The following SLK variants were observed in gnomAD, a reference collection of about 807,000 sequenced individuals.
SLK encodes the protein STE20 like kinase.
A neutral mutation model predicts 147.7 loss-of-function variants in SLK; 67 were observed. That is an observed-to-expected ratio of 0.45 (90% confidence interval 0.37 to 0.56). The LOEUF (loss-of-function observed/expected upper bound fraction) is 0.56, where lower values mean the gene tolerates loss of function less well. SLK is among the 20% of genes least tolerant of loss of function. The pLI, the probability that SLK is intolerant of heterozygous loss-of-function variation, is 0.00. For synonymous variants in SLK, 441 were observed against 475.0 expected, an observed-to-expected ratio of 0.93 and a Z score of 0.93; for missense variants, 1,136 against 1,438.8, an observed-to-expected ratio of 0.79 and a Z score of 3.41.
intron 1 of SLK, among the ~76,000 whole-genome samples, chr10:103,982,330 A>T (rs1193196001): frequency 6.6e-6 from 1 of 152,186 alleles, no homozygotes; most frequent in Non-Finnish European, 1.5e-5. Flanking sequence ...TAAGCAGGAA[A>T]ACTGTGTGAT....
At chr10:103,992,842 A>T (rs1350982265) in intron 3 of SLK, 142 bp from the exon 4 acceptor site, 1 of 684,344 alleles carries the variant, frequency 1.5e-6, no homozygotes, top group Non-Finnish European at 2.4e-6. Context: ...CAAGAATGTG[A>T]TCTTTGTAGA....
At chr10:104,025,026 A>G (rs1032288051) in intron 18 of SLK, among the ~76,000 whole-genome samples, 4 of 152,212 alleles carry the variant, frequency 2.6e-5, no homozygotes, top group African/African-American at 9.7e-5. Flanking sequence ...AGACATTCAC[A>G]TCACAATGGT....
intron 9 of SLK, 55 bp downstream of exon 9, chr10:104,003,582 A>C (rs1341525045): frequency 7.2e-7 from 1 of 1,398,396 alleles, no homozygotes; most frequent in East Asian, 2.3e-5. Flanking sequence ...CTCAATTCAG[A>C]GTTTATGTGA....
intron 18 of SLK, among the ~76,000 whole-genome samples, chr10:104,022,830 A>T (rs1229886781): frequency 6.6e-6 from 1 of 152,006 alleles, no homozygotes; most frequent in Non-Finnish European, 1.5e-5. Context: ...CTGGTCTCAA[A>T]CTCCAAACCT....
At chr10:103,994,426 A>G (rs1266926038) in intron 4 of SLK, among the ~76,000 whole-genome samples, 1 of 151,950 alleles carries the variant, frequency 6.6e-6, no homozygotes, top group African/African-American at 2.4e-5. Context: ...TCATCTCTAG[A>G]TGTTAGGGTT....
At position 104,019,871 on chromosome 10, in the gene SLK, G is replaced by C; in HGVS notation, c.3270G>C (p.Leu1090Phe). Reference protein sequence around the residue: ...KTRMAMFKKSLRINSTATPDQ... With the variant: ...KTRMAMFKKSFRINSTATPDQ... ...GAATGGCCATGTTTAAGAAGAGTTT[G>C]AGAATTAACTCAACAGCCACACCAG... is the stretch of plus-strand genomic sequence containing the variant. The change falls in exon 16 of 19, where the codon TTG (leucine) becomes TTC (phenylalanine). Residue 1090 changes from leucine to phenylalanine, a missense_variant. Leu to Phe is a conservative substitution (Grantham distance 22). Around this residue, in one of 6 missense-constraint regions of SLK, gnomAD observed 327 missense variants for 457.5 expected, o/e 0.71. Transcript: ENST00000369755. The C allele has an allele frequency of 1.2e-6, 2 of 1,614,150 alleles. No homozygotes were observed. Among genetic ancestry groups the C allele is most frequent in the Non-Finnish European group, 1.7e-6 (2 of 1,179,994 alleles).
rs1208769258 is a variant in SLK, at chr10:103,992,606, T to G, written c.324T>G (p.Ile108Met). The G allele has an allele frequency of 2.4e-6, 3 of 1,259,548 alleles. No individual in the cohort carries two copies. The African/African-American group carries it at 5.8e-5, about 24-fold the overall frequency. 78.0% of individuals were successfully genotyped at this position (1,259,548 alleles called of 1,614,324 possible). The change falls in exon 3 of 19, where the codon ATT becomes ATG. Residue 108 changes from isoleucine (I) to methionine (M), a missense_variant. Ile to Met is a conservative substitution (Grantham distance 10, BLOSUM62 1). Coordinates refer to ENST00000369755, the MANE Select transcript of SLK (RefSeq NM_014720.4). Reference protein sequence around the residue: ...FYYENNLWILIEFCAGGAVDA... With the variant: ...FYYENNLWILMEFCAGGAVDA... ...TTTTTTTTTGCATGCAGATCCTCAT[T>G]GAATTTTGTGCAGGTGGAGCAGTAG...
chr10:103,982,032 T>A (rs1354099898), intron 1 of SLK, among the ~76,000 whole-genome samples: 2 of 152,142 alleles, frequency 1.3e-5, no homozygotes, highest in Admixed American at 6.5e-5. Flanking sequence ...GTACAAGTCT[T>A]TCATCTCCTT....
chr10:103,997,793 T>A lies in SLK; in HGVS notation c.515-1106T>A, dbSNP rs78132587. ...GCTCTTTTATGTTTTTCATCATTTT[T>A]AAAAGTGTCCTAGCTTATTTTGAAA... is the stretch of plus-strand genomic sequence containing the variant. On this transcript the variant is annotated intron_variant, in intron 4 of 18. Coordinates refer to ENST00000369755, the MANE Select transcript of SLK (RefSeq NM_014720.4). Among the ~76,000 whole-genome samples, 910 of 152,230 alleles carry A rather than the reference T, an allele frequency of 6.0e-3. 10 individuals are homozygous for A. The highest frequency in any genetic ancestry group is 7.4e-3 in the Non-Finnish European group (506 of 68,000).
At position 104,003,432 on chromosome 10, in the gene SLK, A is replaced by C. The variant is rs376822140; in HGVS notation, c.2254A>C (p.Thr752Pro). 4 of 1,613,792 alleles carry C rather than the reference A, an allele frequency of 2.5e-6. No homozygotes were observed. The highest frequency in any genetic ancestry group is 2.2e-5 in the East Asian group (1 of 44,866). ...NPKENDNDSG[T>P]GSTADTSSID... Reference sequence around the variant, plus strand: ...AAAGGAAAATGATAATGATTCAGGCACTGGTTCCACTGCTGATACTAGCAG... The same window carrying C: ...AAAGGAAAATGATAATGATTCAGGCCCTGGTTCCACTGCTGATACTAGCAG... The change falls in exon 9 of 19, where the codon ACT (threonine) becomes CCT (proline). Residue 752 changes from threonine (T) to proline (P), a missense_variant. Physicochemically the swap from Thr to Pro is conservative, Grantham distance 38 (BLOSUM62 -1). Transcript: ENST00000369755.
intron 6 of SLK, among the ~76,000 whole-genome samples, chr10:103,999,625 T>A (rs1253778214): frequency 6.6e-6 from 1 of 152,188 alleles, no homozygotes; most frequent in East Asian, 1.9e-4. Context: ...TTTGTGCTTT[T>A]TGGCATACTT....
intron 4 of SLK, among the ~76,000 whole-genome samples, chr10:103,993,941 C>G (rs2134477327): frequency 6.6e-6 from 1 of 152,212 alleles, no homozygotes; most frequent in Non-Finnish European, 1.5e-5. Flanking sequence ...GTTGCTTAGG[C>G]TGGAGTGCAG....
chr10:103,993,745 T>TTAA (rs1844130154), intron 4 of SLK, among the ~76,000 whole-genome samples: 1 of 152,210 alleles, frequency 6.6e-6, no homozygotes, highest in African/African-American at 2.4e-5. Flanking sequence ...TAGGAATTAT[T>TTAA]TAAAAAGTCT....
chr10:103,989,460 G>GTTTTTTTT (rs1202426790), intron 1 of SLK, among the ~76,000 whole-genome samples: 16 of 96,792 alleles, frequency 1.7e-4, no homozygotes, highest in African/African-American at 6.5e-4. Flanking sequence ...CAGTGTGGCA[G>GTTTTTTTT]TTTCTTTTTT....
rs754936547 is a variant in SLK, at chr10:104,002,963, T to C, written c.1785T>C (p.Gly595=). ...INKPMVGPEA[G]GTKEVPIKEI... ...AGCCCATGGTGGGTCCTGAGGCTGG[T>C]GGTACTAAGGAAGTTCCTATTAAAG... The change falls in exon 9 of 19, where the codon GGT becomes GGC. Residue 595 remains glycine, a synonymous_variant. Transcript: ENST00000369755. 1.2e-6 allele frequency: 2 copies of C among 1,613,790 alleles called. No individual in the cohort carries two copies. Among genetic ancestry groups the C allele is most frequent in the Non-Finnish European group, 1.7e-6 (2 of 1,179,746 alleles).
intron 4 of SLK, among the ~76,000 whole-genome samples, chr10:103,998,619 T>A (rs901477936): frequency 6.6e-6 from 1 of 152,180 alleles, no homozygotes; most frequent in Non-Finnish European, 1.5e-5. Flanking sequence ...GGTCTGCTTT[T>A]AGAGTTACCA....
chr10:103,998,491 T>C (rs576204576), intron 4 of SLK, among the ~76,000 whole-genome samples: 36 of 152,306 alleles, frequency 2.4e-4, no homozygotes, highest in African/African-American at 7.9e-4. Context: ...ACATACACTG[T>C]CCTAAAGGTT....
chr10:104,004,540 T>C (rs757103455), intron 9 of SLK, among the ~76,000 whole-genome samples: 46 of 152,162 alleles, frequency 3.0e-4, no homozygotes, highest in Admixed American at 9.8e-4. Flanking sequence ...GAATCCTGGG[T>C]AGGGTACCAT....
intron 18 of SLK, among the ~76,000 whole-genome samples, chr10:104,022,249 G>A (rs757785779): frequency 2.6e-5 from 4 of 151,524 alleles, no homozygotes; most frequent in South Asian, 2.1e-4. Flanking sequence ...GGAAGGAAGC[G>A]ATGACAGCTG....
Sources: allele counts gnomAD v4.1 joint callset (sites outside exome capture counted in the v4.1 genomes callset), GRCh38; gene constraint gnomAD v4.1.1; regional missense constraint gnomAD v4.1.1; transcripts MANE v1.5; gene names NCBI Gene and HGNC (gene_info 2026-07-23, HGNC 2026-07-21).